The following ACOX1 variants were observed in gnomAD, a reference collection of about 807,000 sequenced individuals.
ACOX1 encodes the protein peroxisomal acyl-coenzyme A oxidase 1.
A neutral mutation model predicts 75.5 loss-of-function variants in ACOX1; 41 were observed. The ratio of observed to expected loss-of-function variants is 0.54; its 90% CI spans 0.42 to 0.70. ACOX1 has a LOEUF of 0.70. Among genes scored for constraint, ACOX1 ranks in the 30% least tolerant of loss-of-function variants. ACOX1 has a pLI of 0.00. For missense variants in ACOX1, 630 were observed against 837.5 expected, an observed-to-expected ratio of 0.75 and a Z score of 3.06; for synonymous variants, 303 against 298.8, an observed-to-expected ratio of 1.01 and a Z score of -0.15.
chr17:75,945,719 A>G lies in ACOX1; in HGVS notation c.*1029T>C, dbSNP rs770434896. The G allele has an allele frequency of 9.1e-5, 14 of 153,894 alleles. No individual in the cohort carries two copies. Among genetic ancestry groups the G allele is most frequent in the Non-Finnish European group, 1.6e-4 (11 of 68,046 alleles). 9.5% of individuals were successfully genotyped at this position (153,894 alleles called of 1,614,324 possible). A position where few individuals can be genotyped will look rare whatever the true frequency, so the allele number is the denominator to read the frequency against. On this transcript the variant is annotated 3_prime_UTR_variant, in exon 14 of 14. Coordinates refer to ENST00000293217, the MANE Select transcript of ACOX1 (RefSeq NM_004035.7). ...CTGAAAACAAAGCCATACATAGAGTAAGAAATAGAACCTATGGAACTTCCA... is the reference window on the plus strand; with the variant it reads ...CTGAAAACAAAGCCATACATAGAGTGAGAAATAGAACCTATGGAACTTCCA...
At chr17:75,951,656 G>A in intron 7 of ACOX1, 79 bp from the exon 8 acceptor site, 1 of 1,458,918 alleles carries the variant, frequency 6.9e-7, no homozygotes, top group Non-Finnish European at 9.6e-7. Context: ...TCTAATCTAA[G>A]CACTTGGTAT....
rs1567877661 is a variant in ACOX1, at chr17:75,956,913, CTCTCTCT to C, written c.538+539_538+545del. On this transcript the variant is annotated intron_variant, in intron 4 of 13. Transcript: ENST00000293217. ...ATGTGCCGCTATGCCTGGCTTTCCT[CTCTCTCT>C]CTCTCTCTCTCTCTCTCTCTCTCTC... Among the ~76,000 whole-genome samples the C allele has an allele frequency of 1.6e-3, 70 of 42,930 alleles. 11 individuals are homozygous for C. The highest frequency in any genetic ancestry group is 2.5e-3 in the Admixed American group (7 of 2,754). The allele number at this position is 42,930 out of a possible 152,430, so 28.2% of individuals were successfully genotyped here.
chr17:75,971,935 A>G (rs1269572727), intron 2 of ACOX1, among the ~76,000 whole-genome samples: 1 of 152,168 alleles, frequency 6.6e-6, no homozygotes, highest in East Asian at 1.9e-4. Flanking sequence ...GAATACTGAA[A>G]CAGAGTTCTG....
intron 7 of ACOX1, chr17:75,953,207 AAAT>A (rs2065790227): frequency 2.5e-6 from 1 of 400,140 alleles, no homozygotes; most frequent in Non-Finnish European, 4.7e-6. Flanking sequence ...AAAAAGTTAA[AAAT>A]AATAAGGTGG....
rs1417182841 is a variant in ACOX1, at chr17:75,951,406, A to T, written c.1107+9T>A. The T allele has an allele frequency of 6.2e-7, 1 of 1,613,924 alleles. No homozygotes were observed. Among genetic ancestry groups the T allele is most frequent in the Non-Finnish European group, 8.5e-7 (1 of 1,180,002 alleles). On this transcript the variant is annotated intron_variant, in intron 8 of 13. Coordinates refer to ENST00000293217, the MANE Select transcript of ACOX1 (RefSeq NM_004035.7). ...GGGTGCCCATGAGTGAATGAGACCAAACTCATACCTCAGGCAGTTCACTCA... is the reference window on the plus strand; with the variant it reads ...GGGTGCCCATGAGTGAATGAGACCATACTCATACCTCAGGCAGTTCACTCA...
Position 75,950,722 on chromosome 17 carries a change from G to T in ACOX1, c.1298+52C>A. The T allele has an allele frequency of 1.9e-6, 3 of 1,571,032 alleles. No individual in the cohort carries two copies. Among genetic ancestry groups the T allele is most frequent in the Non-Finnish European group, 1.8e-6 (2 of 1,141,824 alleles). ...CATGGGAACAAGAACCTAGGAAAAG[G>T]ACTAGAACATTCTTATGAACAGATG... On this transcript the variant is annotated intron_variant, in intron 9 of 13. Coordinates refer to ENST00000293217, the MANE Select transcript of ACOX1 (RefSeq NM_004035.7). This position sits in a 1 kb window ranked among gnomAD's most constrained non-coding sequence, Gnocchi z 4.3.
chr17:75,950,285 G>A lies in ACOX1; in HGVS notation c.1299-388C>T, dbSNP rs1482421259. On this transcript the variant is annotated intron_variant, in intron 9 of 13. Coordinates refer to ENST00000293217, the MANE Select transcript of ACOX1 (RefSeq NM_004035.7). This position sits in a 1 kb window ranked among gnomAD's most constrained non-coding sequence, Gnocchi z 4.3. ...TTTTGATGGAGTTTTCGCTCTTGTT[G>A]CCCAGGATGGAGTGCAATAGCGCAA... 6.7e-6 allele frequency among the ~76,000 whole-genome samples: 1 copy of A among 148,344 alleles called. No individual in the cohort carries two copies.
Position 75,956,955 on chromosome 17 carries a change from CTCTCTCTCTCTCTCTCTATATATATA to C in ACOX1, c.538+478_538+503del, listed in dbSNP as rs1421198636. ...TCTCTCTCTCTCTCTCTCTCTCTCT[CTCTCTCTCTCTCTCTCTATATATATA>C]TATATATATATATATATATATATAT... On this transcript the variant is annotated intron_variant, in intron 4 of 13. Transcript: ENST00000293217. Among the ~76,000 whole-genome samples the C allele has an allele frequency of 7.4e-3, 221 of 29,682 alleles. 2 individuals are homozygous for C. Among genetic ancestry groups the C allele is most frequent in the African/African-American group, 0.017 (70 of 4,056 alleles). 19.5% of individuals were successfully genotyped at this position (29,682 alleles called of 152,430 possible).
chr17:75,947,316 C>T (rs1250937012), intron 13 of ACOX1, among the ~76,000 whole-genome samples: 5 of 147,832 alleles, frequency 3.4e-5, no homozygotes, highest in African/African-American at 5.0e-5. Context: ...GGCATGGTCT[C>T]GGCTCACCGC....
chr17:75,950,794 GAC>G lies in ACOX1; in HGVS notation c.1276_1277del (p.Val426HisfsTer7), dbSNP rs1261914662. The G allele has an allele frequency of 1.2e-6, 2 of 1,613,992 alleles. No individual in the cohort carries two copies. Among genetic ancestry groups the G allele is most frequent in the African/African-American group, 2.7e-5 (2 of 74,918 alleles). ...PSCTFEGENT[V>X]MMLQTARFLM... Reference sequence around the variant, plus strand: ...CTCACCTAGCCGTCTGGAGCATCATGACAGTGTTTTCTCCCTCAAAGGTACAG... The same window carrying G: ...CTCACCTAGCCGTCTGGAGCATCATGAGTGTTTTCTCCCTCAAAGGTACAG... On this transcript the variant is annotated frameshift_variant, in exon 9 of 14. Coordinates refer to ENST00000293217, the MANE Select transcript of ACOX1 (RefSeq NM_004035.7). LOFTEE classifies it high-confidence loss of function. This position sits in a 1 kb window ranked among gnomAD's most constrained non-coding sequence, Gnocchi z 4.3.
Position 75,953,443 on chromosome 17 carries a change from A to G in ACOX1, c.944+8T>C, listed in dbSNP as rs770265103. ...TGGTACTGAGCCCATCTAGGACCCT[A>G]TCCTTACCCTGGCTTGATTTCAGAC... is the stretch of plus-strand genomic sequence containing the variant. On this transcript the variant is annotated splice_region_variant and intron_variant, in intron 7 of 13. Transcript: ENST00000293217. The G allele has an allele frequency of 3.1e-6, 5 of 1,613,352 alleles. No individual in the cohort carries two copies. Among genetic ancestry groups the G allele is most frequent in the Non-Finnish European group, 4.2e-6 (5 of 1,179,656 alleles).
At chr17:75,970,093 G>A (rs2065978720) in intron 2 of ACOX1, among the ~76,000 whole-genome samples, 1 of 150,088 alleles carries the variant, frequency 6.7e-6, no homozygotes, top group African/African-American at 2.5e-5. Context: ...GCTGAGGCAG[G>A]AGAATCACTT....
chr17:75,960,115 A>T lies in ACOX1; in HGVS notation c.430+100T>A. On this transcript the variant is annotated intron_variant, in intron 3 of 13. Transcript: ENST00000293217. The surrounding 1 kb of genome is among the most constrained non-coding windows in gnomAD (Gnocchi z 4.4). The stretch of plus-strand genomic sequence containing the variant: ...GAAAGAGCTCATTTAAACAGACCAT[A>T]GAACATCGACACACCATCGATGGCA... 1 of 1,465,452 alleles carries T rather than the reference A, an allele frequency of 6.8e-7. No individual in the cohort carries two copies. The highest frequency in any genetic ancestry group is 9.5e-7 in the Non-Finnish European group (1 of 1,057,402). The allele number at this position is 1,465,452 out of a possible 1,614,324, so 90.8% of individuals were successfully genotyped here.
intron 2 of ACOX1, among the ~76,000 whole-genome samples, chr17:75,973,101 C>T (rs1298225355): frequency 6.6e-6 from 1 of 152,156 alleles, no homozygotes; most frequent in African/African-American, 2.4e-5. Flanking sequence ...AGTTCCCAGA[C>T]ATGTAGGGGA....
rs567034419 is a variant in ACOX1 at position 75,971,988 on chromosome 17, C to T, written c.269+6546G>A. On this transcript the variant is annotated intron_variant, in intron 2 of 13. Coordinates refer to ENST00000293217, the MANE Select transcript of ACOX1 (RefSeq NM_004035.7). ...AAAATTACAACACACACACACACCA[C>T]GCATGCATGTACACAAACACACAGA... Among the ~76,000 whole-genome samples the T allele has an allele frequency of 1.9e-4, 29 of 152,204 alleles. No homozygotes were observed. The South Asian group carries it at 4.6e-3, about 24-fold the overall frequency.
intron 2 of ACOX1, among the ~76,000 whole-genome samples, chr17:75,965,155 G>A (rs1206873765): frequency 1.3e-5 from 2 of 152,028 alleles, no homozygotes; most frequent in African/African-American, 4.8e-5. Context: ...GGCTAACACG[G>A]CGAAACCCCA....
intron 2 of ACOX1, among the ~76,000 whole-genome samples, chr17:75,967,884 G>A (rs1325674175): frequency 1.3e-5 from 2 of 150,118 alleles, no homozygotes; most frequent in Non-Finnish European, 3.0e-5. Flanking sequence ...AGAATTACAG[G>A]TGCCGCCACC....
At chr17:75,961,095 C>A (rs1445095040) in intron 2 of ACOX1, among the ~76,000 whole-genome samples, 1 of 151,970 alleles carries the variant, frequency 6.6e-6, no homozygotes, top group Non-Finnish European at 1.5e-5. Context: ...GAGTTCAAGA[C>A]CAGCCTGGCC....
In ACOX1 at chr17:75,978,855, C is replaced by T; in HGVS notation, c.109+110G>A. ...GTTCCTCGAAGTGGGGGTCCCGGCT[C>T]CCCTAACGCTGGGCCAGAGGGCCTA... On this transcript the variant is annotated intron_variant, in intron 1 of 13. Transcript: ENST00000293217. This position sits in a 1 kb window ranked among gnomAD's most constrained non-coding sequence, Gnocchi z 4.2. The T allele has an allele frequency of 3.8e-6, 6 of 1,597,848 alleles. No individual in the cohort carries two copies. Among genetic ancestry groups the T allele is most frequent in the Middle Eastern group, 1.7e-4 (1 of 5,812 alleles).
Sources: gnomAD v4.1 joint callset for allele counts (sites outside exome capture counted in the v4.1 genomes callset) on GRCh38, gnomAD v4.1.1 for gene constraint, Gnocchi (gnomAD v3.1) non-coding constraint, MANE v1.5 for transcripts, NCBI Gene and HGNC (gene_info 2026-07-23, HGNC 2026-07-21) for gene names.